ANGPT2: variants seen among roughly 807,000 people sequenced by gnomAD.
ANGPT2 encodes the protein angiopoietin 2, also known as angiopoietin-2.
In ANGPT2, 28 loss-of-function variants were observed where a neutral mutation model predicts 62.9. The ratio of observed to expected loss-of-function variants is 0.44; its 90% CI spans 0.33 to 0.61. The LOEUF (loss-of-function observed/expected upper bound fraction) is 0.61. Ranked by LOEUF, ANGPT2 falls within the 20% of genes least tolerant of loss-of-function variation. The probability of loss-of-function intolerance (pLI) is 0.03; values close to 1 mark genes in which losing one functional copy is unlikely to be tolerated. For missense variants in ANGPT2, 727 were observed against 594.9 expected (o/e 1.22, Z -2.31); for synonymous variants, 284 against 207.8 (o/e 1.37, Z -3.15).
At chr8:6,529,453 CTTTTTTTTTTT>C (rs200029751) in intron 2 of ANGPT2, among the ~76,000 whole-genome samples, 1 of 136,034 alleles carries the variant, frequency 7.4e-6, no homozygotes, top group East Asian at 2.1e-4. Flanking sequence ...AGCCATTTTT[CTTTTTTTTTTT>C]TTTTTGAGAC....
At chr8:6,523,396 A>C (rs1817732057) in intron 3 of ANGPT2, among the ~76,000 whole-genome samples, 1 of 152,184 alleles carries the variant, frequency 6.6e-6, no homozygotes, top group Non-Finnish European at 1.5e-5. Flanking sequence ...TCCTAATTTC[A>C]ACTTATAAAC....
chr8:6,503,859 C>T (rs1042591400), intron 8 of ANGPT2, among the ~76,000 whole-genome samples: 2 of 152,186 alleles, frequency 1.3e-5, no homozygotes, highest in Admixed American at 6.5e-5. Flanking sequence ...AGTGAAGCCC[C>T]ATCTGCACCT....
At chr8:6,534,010 C>A (rs1820029513) in intron 1 of ANGPT2, among the ~76,000 whole-genome samples, 1 of 152,060 alleles carries the variant, frequency 6.6e-6, no homozygotes, top group Non-Finnish European at 1.5e-5. Flanking sequence ...GCCCCCTCGC[C>A]ATCGACTCTG....
At chr8:6,535,666 T>A (rs1397729356) in intron 1 of ANGPT2, among the ~76,000 whole-genome samples, 1 of 152,234 alleles carries the variant, frequency 6.6e-6, no homozygotes, top group African/African-American at 2.4e-5. Flanking sequence ...TGTGTGATAC[T>A]GACTGCATTG....
intron 1 of ANGPT2, among the ~76,000 whole-genome samples, chr8:6,556,757 C>T (rs944792575): frequency 1.3e-5 from 2 of 152,034 alleles, no homozygotes; most frequent in Non-Finnish European, 2.9e-5. Context: ...GGGACCACAG[C>T]TGCGTGCCAT....
chr8:6,529,198 G>C (rs973892518), intron 2 of ANGPT2, among the ~76,000 whole-genome samples: 1 of 152,172 alleles, frequency 6.6e-6, no homozygotes, highest in Admixed American at 6.5e-5. Flanking sequence ...TCCATCTGCA[G>C]GGGACTGTAA....
chr8:6,539,717 G>T (rs1821191458), intron 1 of ANGPT2, among the ~76,000 whole-genome samples: 1 of 152,128 alleles, frequency 6.6e-6, no homozygotes, highest in Admixed American at 6.5e-5. Context: ...TTCCCAAGTA[G>T]CTGGGGTTAC....
chr8:6,503,071 C>T lies in ANGPT2; in HGVS notation c.*30G>A, dbSNP rs746771032. 13 of 1,612,754 alleles carry T rather than the reference C, an allele frequency of 8.1e-6. No individual in the cohort carries two copies. The East Asian group carries it at 1.1e-4, about 14-fold the overall frequency. On this transcript the variant is annotated 3_prime_UTR_variant, in exon 9 of 9. Transcript: ENST00000629816. ...TGGGCTTAAGTCTTTGAAAATAGTT[C>T]GAGACAGTTCCTCAGGTGGACTGGG...
chr8:6,514,266 T>C (rs1271176520), intron 6 of ANGPT2, among the ~76,000 whole-genome samples: 1 of 152,200 alleles, frequency 6.6e-6, no homozygotes, highest in African/African-American at 2.4e-5. Flanking sequence ...CTTGGCTGAC[T>C]GCACCCTCTG....
Position 6,504,174 on chromosome 8 carries a change from C to T in ANGPT2, c.1328-913G>A, listed in dbSNP as rs2515599. ...TCTACTAAAAATACAAAAAATTAGC[C>T]GGGCGTGGTGGCGGACGCCTGTAGT... is the stretch of plus-strand genomic sequence containing the variant. On this transcript the variant is annotated intron_variant, in intron 8 of 8. Transcript: ENST00000629816. Among the ~76,000 whole-genome samples, 422 of 151,842 alleles carry T rather than the reference C, an allele frequency of 2.8e-3. 4 individuals are homozygous for T. Among genetic ancestry groups the T allele is most frequent in the Non-Finnish European group, 2.8e-3 (193 of 67,934 alleles).
intron 1 of ANGPT2, among the ~76,000 whole-genome samples, chr8:6,562,151 TA>T (rs1302592028): frequency 6.6e-6 from 1 of 152,192 alleles, no homozygotes; most frequent in Non-Finnish European, 1.5e-5. Flanking sequence ...TTTTAGTAAA[TA>T]AATTCAGGAA....
In ANGPT2 at chr8:6,499,979, G is replaced by T; in HGVS notation, c.*3122C>A. ...GGTAAATGCAGTTTGCTGTTCTCAA[G>T]AAATTATTATAAACATAAGGGTGGA... is the stretch of plus-strand genomic sequence containing the variant. On this transcript the variant is annotated 3_prime_UTR_variant, in exon 9 of 9. Coordinates refer to ENST00000629816, the MANE Select transcript of ANGPT2 (RefSeq NM_001118887.2). 2.0e-6 allele frequency: 3 copies of T among 1,496,450 alleles called. No homozygotes were observed. The highest frequency in any genetic ancestry group is 1.9e-6 in the Non-Finnish European group (2 of 1,073,508). The allele number at this position is 1,496,450 out of a possible 1,614,324, so 92.7% of individuals were successfully genotyped here.
In ANGPT2 at chr8:6,553,540, T is replaced by C. The variant is rs577033253; in HGVS notation, c.288+9107A>G. ...AATCTGATCATGTCCAAGATACCTC[T>C]TATTTTGGTATAGAACGCCTTTATT... On this transcript the variant is annotated intron_variant, in intron 1 of 8. Transcript: ENST00000629816. Among the ~76,000 whole-genome samples, 24 of 152,364 alleles carry C rather than the reference T, an allele frequency of 1.6e-4. No individual in the cohort carries two copies. In the South Asian group the frequency reaches 2.7e-3, roughly 17 times the overall value.
At chr8:6,526,688 A>G (rs1341382503) in intron 3 of ANGPT2, among the ~76,000 whole-genome samples, 2 of 152,212 alleles carry the variant, frequency 1.3e-5, no homozygotes, top group Admixed American at 1.3e-4. Flanking sequence ...CAAGAAGTTT[A>G]TCATTTTTGG....
At chr8:6,512,448 C>T (rs993508115) in intron 7 of ANGPT2, among the ~76,000 whole-genome samples, 6 of 152,078 alleles carry the variant, frequency 3.9e-5, no homozygotes, top group African/African-American at 1.4e-4. Flanking sequence ...TTGTGATGTT[C>T]GTGTTGACCT....
At chr8:6,550,265 C>T (rs1823397004) in intron 1 of ANGPT2, among the ~76,000 whole-genome samples, 1 of 152,150 alleles carries the variant, frequency 6.6e-6, no homozygotes, top group Admixed American at 6.5e-5. Context: ...GCAGCTCAGG[C>T]AGCAGCCATG....
At chr8:6,524,603 T>G (rs1817987156) in intron 3 of ANGPT2, among the ~76,000 whole-genome samples, 1 of 152,218 alleles carries the variant, frequency 6.6e-6, no homozygotes, top group Non-Finnish European at 1.5e-5. Context: ...ACCTACCATG[T>G]ACGAGGTGTT....
chr8:6,516,220 T>C (rs1816238314), intron 5 of ANGPT2, among the ~76,000 whole-genome samples: 1 of 152,246 alleles, frequency 6.6e-6, no homozygotes, highest in Non-Finnish European at 1.5e-5. Flanking sequence ...TACCGCTCTG[T>C]ATTGCTATGA....
chr8:6,513,241 G>T (rs1317625294), intron 7 of ANGPT2, among the ~76,000 whole-genome samples: 1 of 151,908 alleles, frequency 6.6e-6, no homozygotes, highest in East Asian at 1.9e-4. Flanking sequence ...ACTTAAAGAA[G>T]TAATAGTTTA....
Sources: gnomAD v4.1 joint callset for allele counts (sites outside exome capture counted in the v4.1 genomes callset) on GRCh38, gnomAD v4.1.1 for gene constraint, MANE v1.5 for transcripts, NCBI Gene and HGNC (gene_info 2026-07-23, HGNC 2026-07-21) for gene names.